The following OPHN1 variants were observed in gnomAD, a reference collection of about 807,000 sequenced individuals.
OPHN1 encodes oligophrenin 1, also known as oligophrenin-1.
OPHN1 carries 11 observed loss-of-function variants against 60.7 expected under a neutral mutation model. The observed-to-expected ratio is 0.18, with a 90% CI of 0.11 to 0.30. The LOEUF is 0.30. OPHN1 is among the 10% of genes least tolerant of loss of function. The pLI is 1.00. For missense variants in OPHN1, 449 were observed against 611.0 expected, an observed-to-expected ratio of 0.73 and a Z score of 2.80; for synonymous variants, 226 against 222.6, an observed-to-expected ratio of 1.02 and a Z score of -0.14.
intron 15 of OPHN1, among the ~76,000 whole-genome samples, chrX:68,189,517 C>T (rs1363625972): frequency 9.3e-6 from 1 of 108,092 alleles, no homozygotes; most frequent in African/African-American, 3.4e-5. Flanking sequence ...CCCCCAACCC[C>T]ACAACAGGCC....
intron 2 of OPHN1, among the ~76,000 whole-genome samples, chrX:68,379,218 G>A (rs1177319151): frequency 9.0e-6 from 1 of 111,100 alleles, no homozygotes; most frequent in Admixed American, 9.7e-5. Context: ...GTTCACTCAT[G>A]ATTTGGCTCT....
intron 20 of OPHN1, among the ~76,000 whole-genome samples, chrX:68,072,271 TC>T (rs2076937775): frequency 8.9e-6 from 1 of 112,136 alleles, no homozygotes; most frequent in African/African-American, 3.2e-5. Context: ...AAGATATCAA[TC>T]TTAGATAAAT....
intron 2 of OPHN1, among the ~76,000 whole-genome samples, chrX:68,426,236 T>C (rs2078855045): frequency 9.1e-6 from 1 of 110,127 alleles, no homozygotes; most frequent in Non-Finnish European, 1.9e-5. Flanking sequence ...AGGTCAGGAG[T>C]TCGAGACCAG....
At chrX:68,331,730 CAAAAAAAA>C (rs1158512927) in intron 2 of OPHN1, among the ~76,000 whole-genome samples, 2 of 39,344 alleles carry the variant, frequency 5.1e-5, no homozygotes, top group Non-Finnish European at 1.0e-4. Context: ...GACTCTGTAT[CAAAAAAAA>C]AAAAAAAAAA....
At chrX:68,203,437 T>C (rs66849077) in intron 10 of OPHN1, among the ~76,000 whole-genome samples, 12,118 of 110,884 alleles carry the variant, frequency 0.11, 1,662 homozygotes, top group African/African-American at 0.38. Context: ...CTCATCAGCA[T>C]ACTCAGCCAC....
intron 2 of OPHN1, among the ~76,000 whole-genome samples, chrX:68,357,344 T>C (rs753655146): frequency 7.5e-4 from 84 of 111,513 alleles, no homozygotes; most frequent in South Asian, 1.1e-3. Context: ...GTTGGTGTGC[T>C]GCACCCATTA....
At chrX:68,243,991 T>C (rs927745869) in intron 5 of OPHN1, among the ~76,000 whole-genome samples, 1 of 112,278 alleles carries the variant, frequency 8.9e-6, no homozygotes, top group African/African-American at 3.2e-5. Flanking sequence ...AGTTAAAAAC[T>C]TCCAGGACTC....
At chrX:68,224,091 T>C (rs7059093) in intron 6 of OPHN1, among the ~76,000 whole-genome samples, 6,297 of 111,422 alleles carry the variant, frequency 0.057, 431 homozygotes, top group African/African-American at 0.2. Flanking sequence ...AACAGCACCA[T>C]TGATCAACTG....
At chrX:68,367,485 A>G (rs2078505626) in intron 2 of OPHN1, among the ~76,000 whole-genome samples, 1 of 111,144 alleles carries the variant, frequency 9.0e-6, no homozygotes, top group African/African-American at 3.3e-5. Flanking sequence ...AATGGTAGGA[A>G]AGTTTTGTGG....
intron 15 of OPHN1, among the ~76,000 whole-genome samples, chrX:68,175,108 A>C (rs1276863664): frequency 9.1e-6 from 1 of 110,051 alleles, no homozygotes; most frequent in African/African-American, 3.3e-5. Flanking sequence ...AAAATCCCCC[A>C]AAACCTGTAA....
intron 5 of OPHN1, among the ~76,000 whole-genome samples, chrX:68,267,659 G>A (rs1036306714): frequency 8.9e-6 from 1 of 111,879 alleles, no homozygotes; most frequent in Admixed American, 9.5e-5. Context: ...GCCAGCAGAA[G>A]GCAACAAATA....
rs183857365 is a variant in OPHN1, at chrX:68,095,446, C to T, written c.1686+1424G>A. On this transcript the variant is annotated intron_variant, in intron 19 of 24. Transcript: ENST00000355520. ...TGCAAAGGCTTAAGTATTTATTATA[C>T]GGTCCTTTAAGGAAAAGCTTTCTGA... 1.2e-4 allele frequency among the ~76,000 whole-genome samples: 14 copies of T among 112,270 alleles called. No homozygotes were observed. In the East Asian group the frequency reaches 3.6e-3, roughly 29 times the overall value.
intron 2 of OPHN1, among the ~76,000 whole-genome samples, chrX:68,368,544 A>C (rs186614944): frequency 1.8e-5 from 2 of 110,213 alleles, no homozygotes; most frequent in East Asian, 5.7e-4. Context: ...CCCCATCTCA[A>C]AAAAAAACGC....
At position 68,150,398 on chromosome X, in the gene OPHN1, C is replaced by T. The variant is rs150755132; in HGVS notation, c.1277-31066G>A. 2.5e-3 allele frequency among the ~76,000 whole-genome samples: 280 copies of T among 111,417 alleles called. 1 individual carries two copies. The highest frequency in any genetic ancestry group is 8.9e-3 in the African/African-American group (273 of 30,701). On this transcript the variant is annotated intron_variant, in intron 15 of 24. Coordinates refer to ENST00000355520, the MANE Select transcript of OPHN1 (RefSeq NM_002547.3). ...TCTTGAAGAAAGGGTACATAATGTA[C>T]GGTTGAGTGGGAAAAAATGGAACAT...
chrX:68,300,555 T>G (rs991742615), intron 2 of OPHN1, among the ~76,000 whole-genome samples: 3 of 112,397 alleles, frequency 2.7e-5, no homozygotes, highest in Non-Finnish European at 3.7e-5. Flanking sequence ...ACTACAAATC[T>G]AAGCCACATG....
intron 2 of OPHN1, among the ~76,000 whole-genome samples, chrX:68,305,559 C>A (rs2078141246): frequency 8.9e-6 from 1 of 112,195 alleles, no homozygotes. Flanking sequence ...AGGTTCTGCA[C>A]AAGCAGGAAG....
chrX:68,365,506 C>T (rs1160402421), intron 2 of OPHN1, among the ~76,000 whole-genome samples: 1 of 111,445 alleles, frequency 9.0e-6, no homozygotes, highest in African/African-American at 3.3e-5. Context: ...TGTTCATTTT[C>T]CACAAACAGC....
chrX:68,374,554 C>G (rs747430696), intron 2 of OPHN1, among the ~76,000 whole-genome samples: 125 of 110,049 alleles, frequency 1.1e-3, no homozygotes, highest in African/African-American at 3.3e-3. Flanking sequence ...CCAGCTGAAG[C>G]AATCCTACTG....
intron 2 of OPHN1, among the ~76,000 whole-genome samples, chrX:68,309,078 C>A (rs937586717): frequency 9.0e-6 from 1 of 111,446 alleles, no homozygotes; most frequent in Non-Finnish European, 1.9e-5. Context: ...TGAGCCACTG[C>A]GCCCAGCCTG....
Sources: gnomAD v4.1 joint callset for allele counts (sites outside exome capture counted in the v4.1 genomes callset) on GRCh38, gnomAD v4.1.1 for gene constraint, MANE v1.5 for transcripts, NCBI Gene and HGNC (gene_info 2026-07-23, HGNC 2026-07-21) for gene names.